Variants in LGMN observed in about 807,000 individuals in gnomAD.
LGMN encodes the protein asparaginyl endopeptidase.
A neutral mutation model predicts 56.8 loss-of-function variants in LGMN; 36 were observed. The observed-to-expected ratio is 0.63, with a 90% CI of 0.49 to 0.84. The LOEUF is 0.84. Among genes scored for constraint, LGMN ranks in the 40% least tolerant of loss-of-function variants. The pLI, the probability that LGMN is intolerant of heterozygous loss-of-function variation, is 0.00. For missense variants in LGMN, 446 were observed against 556.1 expected (o/e 0.80, Z 1.99); for synonymous variants, 199 against 210.1 (o/e 0.95, Z 0.46).
At chr14:92,727,855 C>G in intron 2 of LGMN, among the ~76,000 whole-genome samples, 1 of 152,106 alleles carries the variant, frequency 6.6e-6, no homozygotes, top group Non-Finnish European at 1.5e-5. Context: ...GCCCTGACTC[C>G]CCATTCTCCA....
intron 2 of LGMN, among the ~76,000 whole-genome samples, chr14:92,726,645 A>G (rs1890756259): frequency 6.6e-6 from 1 of 152,088 alleles, no homozygotes; most frequent in Non-Finnish European, 1.5e-5. Flanking sequence ...AGAGTTGCTG[A>G]CTGGGCCTTC....
chr14:92,742,905 A>T (rs1891625995), intron 1 of LGMN: 2 of 152,068 alleles, frequency 1.3e-5, no homozygotes, highest in South Asian at 4.1e-4. Context: ...ATGATGGTGC[A>T]TACCTGTGGT....
At position 92,711,722 on chromosome 14, in the gene LGMN, G is replaced by C; in HGVS notation, c.756C>G (p.His252Gln). The C allele has an allele frequency of 6.2e-7, 1 of 1,614,224 alleles. No homozygotes were observed. The highest frequency in any genetic ancestry group is 8.5e-7 in the Non-Finnish European group (1 of 1,180,026). ...GCGATTTTACCAGGTGGTACTGCTTGTGCAGGGTCTCTTTAGTCAGATCTT... is the reference window on the plus strand; with the variant it reads ...GCGATTTTACCAGGTGGTACTGCTTCTGCAGGGTCTCTTTAGTCAGATCTT... ...DVEDLTKETL[H>Q]KQYHLVKSHT... Residue 252 changes from histidine to glutamine, a missense_variant, in exon 10 of 14, where the codon CAC becomes CAG. Transcript: ENST00000334869.
At position 92,719,368 on chromosome 14, in the gene LGMN, A is replaced by G. The variant is rs1377666791; in HGVS notation, c.139-524T>C. 2.2e-3 allele frequency among the ~76,000 whole-genome samples: 302 copies of G among 135,928 alleles called. 3 individuals are homozygous for G. The highest frequency in any genetic ancestry group is 4.7e-3 in the South Asian group (20 of 4,214). The allele number at this position is 135,928 out of a possible 152,430, so 89.2% of individuals were successfully genotyped here. A position where few individuals can be genotyped will look rare whatever the true frequency, so the allele number is the denominator to read the frequency against. ...CGCCACCACCACCAACACCACCACC[A>G]CCACCAACACCGCCACCAACACCGC... On this transcript the variant is annotated intron_variant, in intron 2 of 13. Transcript: ENST00000334869.
intron 10 of LGMN, among the ~76,000 whole-genome samples, chr14:92,710,745 C>T (rs908851486): frequency 2.0e-4 from 31 of 152,208 alleles, no homozygotes; most frequent in African/African-American, 7.5e-4. Flanking sequence ...GCGGGGCCCC[C>T]ACATGGCCAG....
At chr14:92,746,113 G>A (rs767424206) in intron 1 of LGMN, among the ~76,000 whole-genome samples, 4 of 152,086 alleles carry the variant, frequency 2.6e-5, no homozygotes, top group Non-Finnish European at 5.9e-5. Flanking sequence ...GAGCCACCGC[G>A]CCCAGCGAGA....
At chr14:92,738,675 G>C (rs553805851) in intron 1 of LGMN, among the ~76,000 whole-genome samples, 2 of 151,738 alleles carry the variant, frequency 1.3e-5, no homozygotes, top group African/African-American at 2.4e-5. Flanking sequence ...TGACTACAAC[G>C]CTATATTAAA....
In LGMN at chr14:92,723,986, C is replaced by T. The variant is rs1468377191; in HGVS notation, c.139-5142G>A. ...GCCTCAAGTGATCCATCCGCCTTGGCTTCCCAAAGTGCTGGGATTATAGGT... is the reference window on the plus strand; with the variant it reads ...GCCTCAAGTGATCCATCCGCCTTGGTTTCCCAAAGTGCTGGGATTATAGGT... On this transcript the variant is annotated intron_variant, in intron 2 of 13. Transcript: ENST00000334869. Among the ~76,000 whole-genome samples the T allele has an allele frequency of 3.9e-5, 6 of 152,208 alleles. No individual in the cohort carries two copies. The East Asian group carries it at 1.2e-3, about 29-fold the overall frequency.
chr14:92,731,640 C>T (rs559268456), intron 2 of LGMN, among the ~76,000 whole-genome samples: 21 of 152,322 alleles, frequency 1.4e-4, no homozygotes, highest in Non-Finnish European at 2.5e-4. Flanking sequence ...TCCTTTCTTA[C>T]GGTCAAATAA....
intron 2 of LGMN, chr14:92,732,410 C>A: frequency 4.3e-6 from 2 of 462,628 alleles, no homozygotes; most frequent in South Asian, 2.4e-5. Context: ...ATGGCCCTAT[C>A]AAAACTTCTG....
intron 12 of LGMN, among the ~76,000 whole-genome samples, chr14:92,705,502 A>AAAC (rs1889384089): frequency 6.6e-6 from 1 of 150,630 alleles, no homozygotes; most frequent in African/African-American, 2.5e-5. Flanking sequence ...AACTGTGTCT[A>AAAC]AAACAAACAA....
intron 1 of LGMN, among the ~76,000 whole-genome samples, chr14:92,735,188 G>A (rs1269300520): frequency 6.6e-6 from 1 of 152,070 alleles, no homozygotes; most frequent in Admixed American, 6.6e-5. Context: ...TGATTCAGTA[G>A]GCCTGGGGCA....
chr14:92,704,737 C>T lies in LGMN; in HGVS notation c.1192-30G>A, dbSNP rs752702173. 3.7e-5 allele frequency: 57 copies of T among 1,561,588 alleles called. No individual in the cohort carries two copies. The Admixed American group carries it at 9.2e-4, about 25-fold the overall frequency. ...GAGAAAACAAACGAGAAGAATGAAACTTCCTCATCTCACCACACAATCCAC... is the reference window on the plus strand; with the variant it reads ...GAGAAAACAAACGAGAAGAATGAAATTTCCTCATCTCACCACACAATCCAC... On this transcript the variant is annotated intron_variant, in intron 12 of 13. Coordinates refer to ENST00000334869, the MANE Select transcript of LGMN (RefSeq NM_005606.7).
At chr14:92,724,661 G>T (rs1308862692) in intron 2 of LGMN, among the ~76,000 whole-genome samples, 3 of 152,230 alleles carry the variant, frequency 2.0e-5, no homozygotes, top group African/African-American at 7.2e-5. Context: ...GAGCCCTCCG[G>T]AATGACAAAC....
chr14:92,715,275 G>C (rs1219334368), intron 5 of LGMN, among the ~76,000 whole-genome samples: 1 of 151,840 alleles, frequency 6.6e-6, no homozygotes, highest in Non-Finnish European at 1.5e-5. Flanking sequence ...CTGGAGTACA[G>C]TGGCACAATC....
intron 2 of LGMN, among the ~76,000 whole-genome samples, chr14:92,727,570 C>G (rs1056288686): frequency 5.9e-5 from 9 of 152,100 alleles, no homozygotes; most frequent in African/African-American, 2.2e-4. Context: ...ACCCGATGTG[C>G]TGGCCACGCC....
Position 92,714,494 on chromosome 14 carries a change from T to G in LGMN, c.405-43A>C. 2 of 1,380,920 alleles carry G rather than the reference T, an allele frequency of 1.4e-6. No homozygotes were observed. Among genetic ancestry groups the G allele is most frequent in the Non-Finnish European group, 2.0e-6 (2 of 979,630 alleles). 85.5% of individuals were successfully genotyped at this position (1,380,920 alleles called of 1,614,324 possible). ...GGGGTCAATCATTTCCTTTTTCTGT[T>G]TTTACTTCTATTTCTCTGAAAAGCT... On this transcript the variant is annotated intron_variant, in intron 5 of 13. Transcript: ENST00000334869. The surrounding 1 kb of genome is among the most constrained non-coding windows in gnomAD (Gnocchi z 5.1).
intron 1 of LGMN, among the ~76,000 whole-genome samples, chr14:92,733,126 T>G (rs1595558685): frequency 7.3e-6 from 1 of 137,722 alleles, no homozygotes; most frequent in East Asian, 2.1e-4. Context: ...CCAGTCTGGG[T>G]GACAGAGTCA....
Position 92,704,720 on chromosome 14 carries a change from A to G in LGMN, c.1192-13T>C. ...ACGCATACTCGTACTGGGAGAAAAC[A>G]AACGAGAAGAATGAAACTTCCTCAT... is the stretch of plus-strand genomic sequence containing the variant. On this transcript the variant is annotated splice_polypyrimidine_tract_variant and intron_variant, in intron 12 of 13. Coordinates refer to ENST00000334869, the MANE Select transcript of LGMN (RefSeq NM_005606.7). 2 of 1,607,550 alleles carry G rather than the reference A, an allele frequency of 1.2e-6. No individual in the cohort carries two copies. The highest frequency in any genetic ancestry group is 1.7e-6 in the Non-Finnish European group (2 of 1,174,026).
Sources: gnomAD v4.1 joint callset for allele counts (sites outside exome capture counted in the v4.1 genomes callset) on GRCh38, gnomAD v4.1.1 for gene constraint, Gnocchi (gnomAD v3.1) non-coding constraint, MANE v1.5 for transcripts, NCBI Gene and HGNC (gene_info 2026-07-23, HGNC 2026-07-21) for gene names.